The following ITSN2 variants were observed in gnomAD, a reference collection of about 807,000 sequenced individuals.
The protein encoded by ITSN2 is intersectin-2.
A neutral mutation model predicts 243.7 loss-of-function variants in ITSN2; 156 were observed. The ratio of observed to expected loss-of-function variants is 0.64; its 90% CI spans 0.56 to 0.73. The LOEUF (loss-of-function observed/expected upper bound fraction) is 0.73. ITSN2 is among the 30% of genes least tolerant of loss of function. ITSN2 has a pLI of 0.00. For missense variants in ITSN2, 1,801 were observed against 1,996.1 expected, an observed-to-expected ratio of 0.90 and a Z score of 1.86; for synonymous variants, 703 against 699.9, an observed-to-expected ratio of 1.00 and a Z score of -0.07.
chr2:24,205,023 T>C (rs1668720315), intron 38 of ITSN2, among the ~76,000 whole-genome samples, 191 bp downstream of exon 38: 1 of 152,136 alleles, frequency 6.6e-6, no homozygotes. Flanking sequence ...GGTGCACACC[T>C]GTAATCCCAG....
chr2:24,205,183 T>G (rs943615167), intron 38 of ITSN2, 31 bp downstream of exon 38: 2 of 1,583,984 alleles, frequency 1.3e-6, no homozygotes, highest in Middle Eastern at 1.7e-4. Context: ...AGGGCAGTTA[T>G]GTCTGCTGAA....
At chr2:24,275,198 C>T (rs1677863904) in intron 18 of ITSN2, among the ~76,000 whole-genome samples, 1 of 152,160 alleles carries the variant, frequency 6.6e-6, no homozygotes, top group Admixed American at 6.5e-5. Context: ...ACAAATTATA[C>T]TTGGCTCTTT....
intron 29 of ITSN2, among the ~76,000 whole-genome samples, chr2:24,238,258 C>T (rs542610096): frequency 1.2e-3 from 178 of 152,236 alleles, no homozygotes; most frequent in African/African-American, 4.1e-3. Context: ...AACTATGTAC[C>T]ACCTAAGACA....
chr2:24,218,188 T>C (rs1670145061), intron 30 of ITSN2, among the ~76,000 whole-genome samples, 175 bp from the exon 31 acceptor site: 1 of 152,246 alleles, frequency 6.6e-6, no homozygotes, highest in Non-Finnish European at 1.5e-5. Flanking sequence ...TACTGCATAA[T>C]GTTCTTTCTT....
chr2:24,358,308 G>A (rs1036206481), intron 1 of ITSN2, among the ~76,000 whole-genome samples: 6 of 152,202 alleles, frequency 3.9e-5, no homozygotes, highest in African/African-American at 1.4e-4. Context: ...CCTGGCTATT[G>A]TACTTACTAG....
chr2:24,284,082 C>T (rs1679166989), intron 17 of ITSN2, among the ~76,000 whole-genome samples: 1 of 152,158 alleles, frequency 6.6e-6, no homozygotes, highest in Non-Finnish European at 1.5e-5. Flanking sequence ...CATTTTAGTA[C>T]TGAGTAAAAT....
In ITSN2 at chr2:24,246,742, G is replaced by A. The variant is rs1319048219; in HGVS notation, c.3385+55C>T. ...AAAGATTGAGCTAATCTAAGAAGTT[G>A]CTGAGTTTTAACAAACTCCTCTAAA... On this transcript the variant is annotated intron_variant, in intron 28 of 39. Transcript: ENST00000355123. 10 of 1,026,780 alleles carry A rather than the reference G, an allele frequency of 9.7e-6. No individual in the cohort carries two copies. In the South Asian group the frequency reaches 1.4e-4, roughly 14 times the overall value. The allele number at this position is 1,026,780 out of a possible 1,614,324, so 63.6% of individuals were successfully genotyped here.
At chr2:24,231,617 T>C (rs548048738) in intron 29 of ITSN2, among the ~76,000 whole-genome samples, 2 of 152,170 alleles carry the variant, frequency 1.3e-5, no homozygotes, top group African/African-American at 2.4e-5. Context: ...TGTCGCACCA[T>C]AGTTGGGAAG....
intron 20 of ITSN2, among the ~76,000 whole-genome samples, chr2:24,263,291 A>C (rs2151405548): frequency 6.6e-6 from 1 of 152,322 alleles, no homozygotes; most frequent in Non-Finnish European, 1.5e-5. Context: ...CACTGAATAA[A>C]TGAATATGGT....
At chr2:24,245,191 C>T (rs539261105) in intron 29 of ITSN2, among the ~76,000 whole-genome samples, 1 of 152,022 alleles carries the variant, frequency 6.6e-6, no homozygotes, top group Non-Finnish European at 1.5e-5. Context: ...TAGATAAATA[C>T]AGAGAGATAA....
chr2:24,212,011 GC>G (rs1480576156), intron 33 of ITSN2, among the ~76,000 whole-genome samples: 1 of 152,184 alleles, frequency 6.6e-6, no homozygotes, highest in African/African-American at 2.4e-5. Context: ...TATTCCTGCT[GC>G]TTTTCTTTGT....
intron 1 of ITSN2, among the ~76,000 whole-genome samples, chr2:24,358,640 C>A (rs915832903): frequency 3.9e-5 from 6 of 152,058 alleles, no homozygotes; most frequent in Non-Finnish European, 7.4e-5. Flanking sequence ...ATACTAACTA[C>A]ATAAGGTTAA....
chr2:24,297,353 T>C (rs889251865), intron 13 of ITSN2, among the ~76,000 whole-genome samples: 1 of 152,152 alleles, frequency 6.6e-6, no homozygotes, highest in Non-Finnish European at 1.5e-5. Context: ...TGTGGCAGAA[T>C]AGTGCCAGAT....
At chr2:24,209,495 T>C (rs1447990039) in intron 35 of ITSN2, among the ~76,000 whole-genome samples, 2 of 152,146 alleles carry the variant, frequency 1.3e-5, no homozygotes, top group Non-Finnish European at 2.9e-5. Context: ...TGCAAAAGGC[T>C]CTCTGCTAGC....
intron 31 of ITSN2, 195 bp from the exon 32 acceptor site, chr2:24,216,427 A>G: frequency 2.3e-6 from 1 of 438,882 alleles, no homozygotes; most frequent in South Asian, 6.4e-5. Context: ...CCGGGGTGTG[A>G]TGTCAGCAAA....
chr2:24,313,613 TTTA>T (rs2151755402), intron 3 of ITSN2, 90 bp from the exon 4 acceptor site: 5 of 783,572 alleles, frequency 6.4e-6, no homozygotes, highest in South Asian at 5.7e-5. Context: ...ATGTTAATGA[TTTA>T]TTATAATTTT....
chr2:24,337,913 A>C (rs1686638721), intron 1 of ITSN2, among the ~76,000 whole-genome samples: 1 of 152,174 alleles, frequency 6.6e-6, no homozygotes, highest in Non-Finnish European at 1.5e-5. Context: ...TTCCTGTCTC[A>C]TTTAGTTCCC....
chr2:24,261,249 G>A lies in ITSN2; in HGVS notation c.2539C>T (p.Pro847Ser). ...SLSATSTSSE[P>S]LSSNQPASVT... ...GATGCTGGTTGATTTGAAGAAAGTG[G>A]TCTGCAAATATAACACTTTGATATA... The change falls in exon 22 of 40, where the codon CCA becomes TCA. Residue 847 changes from proline to serine, a missense_variant and splice_region_variant. Pro to Ser is a moderately conservative substitution (Grantham distance 74, BLOSUM62 -1). Transcript: ENST00000355123. The A allele has an allele frequency of 6.2e-7, 1 of 1,605,876 alleles. No homozygotes were observed.
At chr2:24,289,454 T>C (rs1257433458) in intron 15 of ITSN2, among the ~76,000 whole-genome samples, 3 of 152,258 alleles carry the variant, frequency 2.0e-5, no homozygotes, top group Admixed American at 6.5e-5. Context: ...GCTGATTTTG[T>C]GTCCTACAAC....
Sources: allele counts gnomAD v4.1 joint callset (sites outside exome capture counted in the v4.1 genomes callset), GRCh38; gene constraint gnomAD v4.1.1; transcripts MANE v1.5; gene names NCBI Gene and HGNC (gene_info 2026-07-23, HGNC 2026-07-21).